TENM3: variants seen among roughly 807,000 people sequenced by gnomAD.
TENM3 encodes the protein teneurin transmembrane protein 3.
Under a neutral mutation model 255.1 loss-of-function variants are expected in TENM3, and 63 were observed. That is an observed-to-expected ratio of 0.25 (90% CI 0.20 to 0.30). The LOEUF is 0.30. Ranked by LOEUF, TENM3 falls within the 10% of genes least tolerant of loss-of-function variation. The probability of loss-of-function intolerance (pLI) is 1.00; values close to 1 mark genes in which losing one functional copy is unlikely to be tolerated. For synonymous variants in TENM3, 1,306 were observed against 1,322.3 expected, an observed-to-expected ratio of 0.99 and a Z score of 0.27; for missense variants, 2,929 against 3,461.1, an observed-to-expected ratio of 0.85 and a Z score of 3.86.
chr4:182,087,859 G>T, the TENM3 span, among the ~76,000 whole-genome samples: 538 of 151,524 alleles, frequency 3.6e-3, 1 homozygote, highest in African/African-American at 0.013. Flanking sequence ...GTATTAAAAA[G>T]TTAAAATCTC....
the TENM3 span, among the ~76,000 whole-genome samples, chr4:182,059,774 A>G: frequency 6.7e-6 from 1 of 149,500 alleles, no homozygotes; most frequent in East Asian, 1.9e-4. Flanking sequence ...AAAAAAAAAA[A>G]AAAGAAAAAT....
chr4:181,557,033 C>T, the TENM3 span, among the ~76,000 whole-genome samples: 1 of 152,092 alleles, frequency 6.6e-6, no homozygotes, highest in South Asian at 2.1e-4. Flanking sequence ...AATTTTGACA[C>T]TAATGTTAAA....
intron 3 of TENM3, among the ~76,000 whole-genome samples, chr4:182,488,284 A>C (rs1033552034): frequency 1.3e-5 from 2 of 152,174 alleles, no homozygotes; most frequent in Non-Finnish European, 2.9e-5. Context: ...CCAAATCGAA[A>C]GAGGGTTCTA....
At chr4:181,705,342 G>A in the TENM3 span, among the ~76,000 whole-genome samples, 1 of 152,086 alleles carries the variant, frequency 6.6e-6, no homozygotes, top group African/African-American at 2.4e-5. Context: ...ACCAATTTGG[G>A]GGAAGTCTGA....
the TENM3 span, among the ~76,000 whole-genome samples, chr4:181,469,802 A>G: frequency 1.6e-4 from 25 of 152,266 alleles, 2 homozygotes; most frequent in East Asian, 4.4e-3. Context: ...AGTGAACAAA[A>G]TCATATTAAA....
chr4:182,111,229 A>G, the TENM3 span, among the ~76,000 whole-genome samples: 1 of 102,126 alleles, frequency 9.8e-6, no homozygotes, highest in Non-Finnish European at 1.8e-5. Flanking sequence ...GCCTTCTTTC[A>G]GAGCCAATTC....
At chr4:182,738,052 G>A (rs965656448) in intron 17 of TENM3, among the ~76,000 whole-genome samples, 1 of 152,018 alleles carries the variant, frequency 6.6e-6, no homozygotes, top group Non-Finnish European at 1.5e-5. Flanking sequence ...GATGGCAAAC[G>A]TTATTTTTAG....
rs117731064 is a variant in TENM3, at chr4:182,164,783, A to G, written c.-76+20029A>G. 3.3e-3 allele frequency among the ~76,000 whole-genome samples: 500 copies of G among 152,290 alleles called. 15 individuals are homozygous for G. The highest frequency in any genetic ancestry group is 0.03 in the East Asian group (157 of 5,178). On this transcript the variant is annotated intron_variant, in intron 1 of 2. Transcript: ENST00000512480. ...TATTGGTTGAATGAGCAAATGAAAA[A>G]AAGTCCCAGGGTTCTAAAAACCTAC...
At chr4:181,812,386 A>G in the TENM3 span, among the ~76,000 whole-genome samples, 5 of 152,228 alleles carry the variant, frequency 3.3e-5, no homozygotes, top group African/African-American at 1.2e-4. Flanking sequence ...TTAACTTTAG[A>G]AAAAAATTGG....
intron 1 of TENM3, among the ~76,000 whole-genome samples, chr4:182,217,092 C>T (rs2726809): frequency 8.2e-6 from 1 of 121,760 alleles, no homozygotes; most frequent in Non-Finnish European, 1.6e-5. Context: ...GTGATCTCGG[C>T]TCACTGCAAC....
At chr4:182,270,018 G>A (rs1438097628) in intron 1 of TENM3, among the ~76,000 whole-genome samples, 1 of 152,180 alleles carries the variant, frequency 6.6e-6, no homozygotes, top group Non-Finnish European at 1.5e-5. Context: ...TGGATTCAAA[G>A]ATTGTCTAAT....
At chr4:182,606,406 C>CTCAG (rs1315013573) in intron 4 of TENM3, among the ~76,000 whole-genome samples, 1 of 151,624 alleles carries the variant, frequency 6.6e-6, no homozygotes, top group Admixed American at 6.6e-5. Context: ...CACCTGTAAT[C>CTCAG]TCAGCTACTT....
At chr4:182,487,325 T>C (rs936430872) in intron 3 of TENM3, among the ~76,000 whole-genome samples, 1 of 152,222 alleles carries the variant, frequency 6.6e-6, no homozygotes, top group African/African-American at 2.4e-5. Context: ...TGTACTTGTC[T>C]CTTTATCGTT....
the TENM3 span, among the ~76,000 whole-genome samples, chr4:181,599,029 TC>T: frequency 6.6e-6 from 1 of 152,216 alleles, no homozygotes; most frequent in Non-Finnish European, 1.5e-5. Flanking sequence ...AGCTTTTCAT[TC>T]AGCTTTATTT....
chr4:182,679,839 A>G lies in TENM3; in HGVS notation c.1500A>G (p.Lys500=), dbSNP rs1755991559. Reference sequence around the variant, plus strand: ...ATCTGGCTTTTTATAATGATGGGAAAAATGCAGAGCAGGTGTCTTTTAATA... The same window carrying G: ...ATCTGGCTTTTTATAATGATGGGAAGAATGCAGAGCAGGTGTCTTTTAATA... ...IWHLAFYNDG[K]NAEQVSFNTI... is the part of the protein sequence containing the mutation. The change falls in exon 8 of 28, where the codon AAA becomes AAG. Residue 500 remains lysine, a synonymous_variant. Coordinates refer to ENST00000511685, the MANE Select transcript of TENM3 (RefSeq NM_001080477.4). 6.2e-7 allele frequency: 1 copy of G among 1,613,454 alleles called. No homozygotes were observed. Among genetic ancestry groups the G allele is most frequent in the Admixed American group, 1.7e-5 (1 of 59,978 alleles).
At chr4:182,652,478 G>A (rs568448837) in intron 5 of TENM3, among the ~76,000 whole-genome samples, 13 of 152,118 alleles carry the variant, frequency 8.5e-5, no homozygotes, top group Non-Finnish European at 1.8e-4. Context: ...GAATCTTCTG[G>A]CCTACACCTT....
chr4:182,098,095 C>G, the TENM3 span, among the ~76,000 whole-genome samples: 2 of 152,114 alleles, frequency 1.3e-5, no homozygotes, highest in Non-Finnish European at 2.9e-5. Context: ...CTCAACATTA[C>G]TAATCATCAG....
the TENM3 span, among the ~76,000 whole-genome samples, chr4:182,106,407 C>T: frequency 6.6e-6 from 1 of 152,186 alleles, no homozygotes; most frequent in Non-Finnish European, 1.5e-5. Context: ...CTGCAGTGAG[C>T]TGTGGTTGTG....
At chr4:181,929,497 A>G in the TENM3 span, among the ~76,000 whole-genome samples, 10 of 152,194 alleles carry the variant, frequency 6.6e-5, no homozygotes, top group Non-Finnish European at 1.2e-4. Context: ...CTAAATATAT[A>G]TGCCCCCAAT....
Sources: allele counts gnomAD v4.1 joint callset (sites outside exome capture counted in the v4.1 genomes callset), GRCh38; gene constraint gnomAD v4.1.1; transcripts MANE v1.5; gene names NCBI Gene and HGNC (gene_info 2026-07-23, HGNC 2026-07-21).